ATXN1: variants seen among roughly 807,000 people sequenced by gnomAD.
The protein encoded by ATXN1 is ataxin-1.
ATXN1 carries 8 observed loss-of-function variants against 56.4 expected under a neutral mutation model. The observed-to-expected ratio is 0.14, with a 90% CI of 0.08 to 0.26. The LOEUF (loss-of-function observed/expected upper bound fraction) is 0.26, where lower values mean the gene tolerates loss of function less well. Ranked by LOEUF, ATXN1 falls within the 10% of genes least tolerant of loss-of-function variation. ATXN1 has a pLI of 1.00. For synonymous variants in ATXN1, 514 were observed against 494.6 expected, an observed-to-expected ratio of 1.04 and a Z score of -0.52; for missense variants, 987 against 1,106.5, an observed-to-expected ratio of 0.89 and a Z score of 1.53.
intron 7 of ATXN1, among the ~76,000 whole-genome samples, chr6:16,319,243 A>G (rs1760589644): frequency 6.6e-6 from 1 of 152,130 alleles, no homozygotes; most frequent in South Asian, 2.1e-4. Context: ...GCCTTAAAGA[A>G]CAACATAATA....
intron 5 of ATXN1, 130 bp from the exon 6 acceptor site, chr6:16,486,239 AAAG>A (rs1181663426): frequency 6.6e-6 from 1 of 152,236 alleles, no homozygotes; most frequent in East Asian, 1.9e-4. Context: ...TTTTCTTAAA[AAAG>A]AAGTTCAATG....
intron 2 of ATXN1, chr6:16,737,499 T>C (rs1205902792): frequency 6.6e-6 from 1 of 152,210 alleles, no homozygotes. Context: ...TAGATTTTCA[T>C]CTCTGAGAAA....
At chr6:16,723,656 A>T (rs1439033857) in intron 2 of ATXN1, among the ~76,000 whole-genome samples, 1 of 152,200 alleles carries the variant, frequency 6.6e-6, no homozygotes, top group Non-Finnish European at 1.5e-5. Context: ...ACTCTGGAGC[A>T]TTAAGATAAT....
intron 4 of ATXN1, among the ~76,000 whole-genome samples, chr6:16,525,696 T>G (rs1391952128): frequency 6.6e-6 from 1 of 152,070 alleles, no homozygotes; most frequent in East Asian, 1.9e-4. Context: ...AATGGATAAA[T>G]GCTTGAGTGG....
chr6:16,500,824 A>G (rs1380074283), intron 5 of ATXN1, among the ~76,000 whole-genome samples: 1 of 152,090 alleles, frequency 6.6e-6, no homozygotes, highest in African/African-American at 2.4e-5. Flanking sequence ...TAGATTACAA[A>G]GCTTAATCAG....
At chr6:16,388,513 T>A (rs1210326309) in intron 6 of ATXN1, among the ~76,000 whole-genome samples, 2 of 152,206 alleles carry the variant, frequency 1.3e-5, no homozygotes, top group Non-Finnish European at 2.9e-5. Context: ...CAGGAGAAAT[T>A]CTGCTACGTC....
At chr6:16,733,862 C>G (rs968118797) in intron 2 of ATXN1, among the ~76,000 whole-genome samples, 4 of 151,750 alleles carry the variant, frequency 2.6e-5, no homozygotes, top group Admixed American at 2.6e-4. Flanking sequence ...GAAAAAGAAC[C>G]ACTGGCTGGG....
chr6:16,715,657 T>G (rs1213190727), intron 2 of ATXN1, among the ~76,000 whole-genome samples: 1 of 152,362 alleles, frequency 6.6e-6, no homozygotes, highest in South Asian at 2.1e-4. Flanking sequence ...GTGATTCTGA[T>G]GACCAAATCT....
chr6:16,406,995 G>T (rs962743387), intron 6 of ATXN1, among the ~76,000 whole-genome samples: 1 of 152,196 alleles, frequency 6.6e-6, no homozygotes, highest in African/African-American at 2.4e-5. Context: ...TCTTGCTGAG[G>T]AAATTAAATT....
intron 3 of ATXN1, among the ~76,000 whole-genome samples, chr6:16,642,046 T>C (rs947280486): frequency 3.9e-5 from 6 of 152,284 alleles, no homozygotes; most frequent in African/African-American, 1.4e-4. Flanking sequence ...TGCAATCTCA[T>C]GATCAAACTT....
intron 2 of ATXN1, among the ~76,000 whole-genome samples, chr6:16,660,206 G>C (rs1007455932): frequency 2.0e-5 from 3 of 152,104 alleles, no homozygotes; most frequent in South Asian, 2.1e-4. Context: ...AAACAAACTG[G>C]CTTGGGTTTA....
chr6:16,509,111 G>A (rs985350071), intron 5 of ATXN1, among the ~76,000 whole-genome samples: 1 of 151,972 alleles, frequency 6.6e-6, no homozygotes, highest in South Asian at 2.1e-4. Flanking sequence ...GGGGGAAGGG[G>A]GAAGGGGGAA....
At chr6:16,530,328 A>C (rs191032583) in intron 4 of ATXN1, among the ~76,000 whole-genome samples, 5 of 152,220 alleles carry the variant, frequency 3.3e-5, no homozygotes, top group Non-Finnish European at 7.3e-5. Context: ...GCTATATTTC[A>C]GGGGTGAAAA....
At chr6:16,509,505 T>C (rs1056641845) in intron 5 of ATXN1, among the ~76,000 whole-genome samples, 9 of 152,212 alleles carry the variant, frequency 5.9e-5, no homozygotes, top group African/African-American at 2.2e-4. Context: ...GTCCTATTTA[T>C]GGTAATTCTG....
chr6:16,647,782 A>C (rs1177807453), intron 3 of ATXN1, among the ~76,000 whole-genome samples: 1 of 152,242 alleles, frequency 6.6e-6, no homozygotes, highest in African/African-American at 2.4e-5. Context: ...TAATGCTGGA[A>C]AAATAAAATA....
intron 6 of ATXN1, among the ~76,000 whole-genome samples, chr6:16,458,109 G>C (rs548702473): frequency 1.3e-5 from 2 of 152,172 alleles, no homozygotes; most frequent in Non-Finnish European, 2.9e-5. Context: ...GCTGCAGCCC[G>C]AGAATTTGGA....
chr6:16,593,721 CAA>C, intron 3 of ATXN1, among the ~76,000 whole-genome samples: 1 of 152,008 alleles, frequency 6.6e-6, no homozygotes, highest in East Asian at 1.9e-4. Flanking sequence ...TTTTTTCACA[CAA>C]TATTGTTTCT....
At chr6:16,711,404 G>A (rs1218017696) in intron 2 of ATXN1, among the ~76,000 whole-genome samples, 1 of 151,728 alleles carries the variant, frequency 6.6e-6, no homozygotes, top group African/African-American at 2.4e-5. Context: ...TGATAAATTA[G>A]ACTTCATTAA....
At chr6:16,758,571 G>A (rs1760958263) in intron 1 of ATXN1, among the ~76,000 whole-genome samples, 3 of 152,178 alleles carry the variant, frequency 2.0e-5, no homozygotes, top group Admixed American at 2.0e-4. Flanking sequence ...TGAAATAGTG[G>A]AGTCTCTCGT....
Sources: gnomAD v4.1 joint callset for allele counts (sites outside exome capture counted in the v4.1 genomes callset) on GRCh38, gnomAD v4.1.1 for gene constraint, MANE v1.5 for transcripts, NCBI Gene and HGNC (gene_info 2026-07-23, HGNC 2026-07-21) for gene names.